Variants in ATF7IP2 observed in about 807,000 individuals in gnomAD.
ATF7IP2 encodes activating transcription factor 7 interacting protein 2.
ATF7IP2 carries 42 observed loss-of-function variants against 64.2 expected under a neutral mutation model. The observed-to-expected ratio is 0.65, with a 90% CI of 0.51 to 0.85. The LOEUF is 0.85. Ranked by LOEUF, ATF7IP2 falls within the 40% of genes least tolerant of loss-of-function variation. ATF7IP2 has a pLI of 0.00. For synonymous variants in ATF7IP2, 308 were observed against 272.8 expected, an observed-to-expected ratio of 1.13 and a Z score of -1.27; for missense variants, 933 against 784.2, an observed-to-expected ratio of 1.19 and a Z score of -2.27.
chr16:10,400,401 G>C (rs1281251373), intron 1 of ATF7IP2, among the ~76,000 whole-genome samples: 1 of 152,158 alleles, frequency 6.6e-6, no homozygotes, highest in Admixed American at 6.5e-5. Context: ...TTTTTTGGAA[G>C]AGTCTTCAGG....
chr16:10,438,332 C>G, intron 7 of ATF7IP2, 97 bp downstream of exon 7: 1 of 1,268,948 alleles, frequency 7.9e-7, no homozygotes, highest in Non-Finnish European at 1.1e-6. Flanking sequence ...GCAGCCTCTG[C>G]CTTCTGAGCT....
chr16:10,473,965 G>C lies in ATF7IP2; in HGVS notation c.1525G>C (p.Glu509Gln). The C allele has an allele frequency of 6.4e-7, 1 of 1,569,238 alleles. No individual in the cohort carries two copies. The highest frequency in any genetic ancestry group is 8.7e-7 in the Non-Finnish European group (1 of 1,154,726). The stretch of plus-strand genomic sequence containing the variant: ...TGATTCTATAATTGATTTGACAAAA[G>C]AAGGCCTATCCAACTGCAATACAGG... The part of the protein sequence containing the change: ...KLDSIIDLTK[E>Q]GLSNCNTESP... Residue 509 changes from glutamate to glutamine, a missense_variant, in exon 12 of 14, where the codon GAA becomes CAA. By Grantham distance (29) the Glu-to-Gln change is conservative (BLOSUM62 2). Transcript: ENST00000562102.
At chr16:10,479,256 G>A (rs1017444304) in intron 12 of ATF7IP2, among the ~76,000 whole-genome samples, 2 of 150,506 alleles carry the variant, frequency 1.3e-5, no homozygotes, top group African/African-American at 4.9e-5. Flanking sequence ...CAACCCAAAT[G>A]TCCAACAATG....
chr16:10,417,796 A>C (rs1257791398), intron 2 of ATF7IP2, among the ~76,000 whole-genome samples: 2 of 152,244 alleles, frequency 1.3e-5, no homozygotes, highest in African/African-American at 4.8e-5. Flanking sequence ...GACAGTAATC[A>C]AGATAATGTG....
chr16:10,433,877 G>T (rs2048334747), intron 6 of ATF7IP2, among the ~76,000 whole-genome samples: 1 of 152,184 alleles, frequency 6.6e-6, no homozygotes, highest in Admixed American at 6.5e-5. Flanking sequence ...TAGGGATCAT[G>T]TGTAGGTAGA....
intron 6 of ATF7IP2, among the ~76,000 whole-genome samples, chr16:10,437,128 TCTC>T (rs768434561): frequency 8.6e-4 from 131 of 151,920 alleles, no homozygotes; most frequent in Non-Finnish European, 1.7e-3. Flanking sequence ...TTCAAGCAGT[TCTC>T]CTGTCTCAGC....
intron 9 of ATF7IP2, among the ~76,000 whole-genome samples, chr16:10,466,082 A>G (rs898338796): frequency 2.0e-5 from 3 of 151,964 alleles, no homozygotes; most frequent in African/African-American, 7.2e-5. Flanking sequence ...TTTTTGCTTT[A>G]TTTTTGCCTT....
At position 10,457,383 on chromosome 16, in the gene ATF7IP2, A is replaced by G; in HGVS notation, c.1206A>G (p.Ser402=). The G allele has an allele frequency of 6.2e-7, 1 of 1,602,410 alleles. No homozygotes were observed. The highest frequency in any genetic ancestry group is 8.5e-7 in the Non-Finnish European group (1 of 1,177,002). Reference sequence around the variant, plus strand: ...CACCTATTTAATAGGTTGCAAATTCAGAGGCTATGATTTTGGATAAGAATC... The same window carrying G: ...CACCTATTTAATAGGTTGCAAATTCGGAGGCTATGATTTTGGATAAGAATC... ...SSNGASKVAN[S]EAMILDKNLE... Residue 402 remains serine, a synonymous_variant, in exon 9 of 14, where the codon TCA becomes TCG. Transcript: ENST00000562102.
At chr16:10,433,716 C>T in intron 6 of ATF7IP2, 67 bp downstream of exon 6, 2 of 1,551,264 alleles carry the variant, frequency 1.3e-6, no homozygotes, top group South Asian at 1.1e-5. Flanking sequence ...AGTTAATTAT[C>T]TGGTCCCCAC....
chr16:10,431,668 T>A (rs2048259845), intron 5 of ATF7IP2, among the ~76,000 whole-genome samples: 1 of 152,162 alleles, frequency 6.6e-6, no homozygotes, highest in East Asian at 1.9e-4. Context: ...AAGGAATCAA[T>A]CACTTTTCCT....
At chr16:10,391,156 CA>C (rs60844905) in intron 1 of ATF7IP2, among the ~76,000 whole-genome samples, 85,975 of 140,694 alleles carry the variant, frequency 0.61, 25,566 homozygotes, top group African/African-American at 0.71. Context: ...GACCCTGTCT[CA>C]AAAAAAAAAA....
At chr16:10,438,574 A>G (rs2048500001) in intron 7 of ATF7IP2, among the ~76,000 whole-genome samples, 2 of 152,084 alleles carry the variant, frequency 1.3e-5, no homozygotes, top group Admixed American at 1.3e-4. Context: ...TTTTAAAAAG[A>G]AGAATTTGGT....
rs1322623487 is a variant in ATF7IP2 at position 10,417,739 on chromosome 16, A to G, written c.-202-1842A>G. Among the ~76,000 whole-genome samples the G allele has an allele frequency of 3.3e-5, 5 of 152,354 alleles. No individual in the cohort carries two copies. In the East Asian group the frequency reaches 9.6e-4, roughly 29 times the overall value. On this transcript the variant is annotated intron_variant, in intron 2 of 13. Coordinates refer to ENST00000562102, the MANE Select transcript of ATF7IP2 (RefSeq NM_001393719.1). ...CAAAACAGTCTTCTCCAAGAATAAC[A>G]AAGTTGGAGGACTTAACACATCCTG...
chr16:10,482,268 A>ATAC lies in ATF7IP2; in HGVS notation c.*24_*26dup, dbSNP rs1294418709. 6.6e-7 allele frequency: 1 copy of ATAC among 1,505,462 alleles called. No individual in the cohort carries two copies. Among genetic ancestry groups the ATAC allele is most frequent in the South Asian group, 1.3e-5 (1 of 78,708 alleles). 93.3% of individuals were successfully genotyped at this position (1,505,462 alleles called of 1,614,324 possible). ...TACGTAAAAGGTGTTTAATAATGAT[A>ATAC]TACTACTTTTTTTTTCATATTTGTT... On this transcript the variant is annotated 3_prime_UTR_variant, in exon 14 of 14. Coordinates refer to ENST00000562102, the MANE Select transcript of ATF7IP2 (RefSeq NM_001393719.1).
intron 1 of ATF7IP2, among the ~76,000 whole-genome samples, chr16:10,403,511 C>T (rs777281488): frequency 1.3e-5 from 2 of 152,120 alleles, no homozygotes; most frequent in Non-Finnish European, 2.9e-5. Context: ...AGATGTGTCT[C>T]TGGATGTGCA....
intron 1 of ATF7IP2, among the ~76,000 whole-genome samples, chr16:10,399,208 G>A (rs564032429): frequency 7.2e-5 from 11 of 152,104 alleles, no homozygotes; most frequent in Non-Finnish European, 1.5e-4. Flanking sequence ...CGGTATTGTT[G>A]AAATTCATAA....
At chr16:10,443,249 A>G (rs150833558) in intron 8 of ATF7IP2, among the ~76,000 whole-genome samples, 77 of 152,300 alleles carry the variant, frequency 5.1e-4, no homozygotes, top group African/African-American at 1.3e-3. Context: ...AGAAATGCCA[A>G]ATTTTCTCCC....
At chr16:10,419,927 T>C (rs1057103097) in intron 3 of ATF7IP2, among the ~76,000 whole-genome samples, 1 of 152,268 alleles carries the variant, frequency 6.6e-6, no homozygotes, top group African/African-American at 2.4e-5. Context: ...TTTCTGTAGA[T>C]GCTGTTCAGC....
rs2141875777 is a variant in ATF7IP2, at chr16:10,430,921, G to A, written c.301G>A (p.Glu101Lys). 6.2e-7 allele frequency: 1 copy of A among 1,613,938 alleles called. No individual in the cohort carries two copies. The highest frequency in any genetic ancestry group is 1.3e-5 in the African/African-American group (1 of 75,026). ...FSQNCIKPVE[E>K]IVHSETKLEQ... ...TCAGAATTGCATAAAACCAGTAGAA[G>A]AAATTGTTCATTCAGAAACAAAATT... Residue 101 changes from glutamate (E) to lysine (K), a missense_variant, in exon 5 of 14, where the codon GAA becomes AAA. Glu to Lys is a moderately conservative substitution (Grantham distance 56, BLOSUM62 1). Coordinates refer to ENST00000562102, the MANE Select transcript of ATF7IP2 (RefSeq NM_001393719.1).
Sources: allele counts gnomAD v4.1 joint callset (sites outside exome capture counted in the v4.1 genomes callset), GRCh38; gene constraint gnomAD v4.1.1; transcripts MANE v1.5; gene names NCBI Gene and HGNC (gene_info 2026-07-23, HGNC 2026-07-21).